ANKIB1: variants seen among roughly 807,000 people sequenced by gnomAD.
ANKIB1 encodes the protein ankyrin repeat and IBR domain containing 1.
Under a neutral mutation model 122.1 loss-of-function variants are expected in ANKIB1, and 43 were observed. That is an observed-to-expected ratio of 0.35 (90% CI 0.28 to 0.45). The LOEUF is 0.45. Ranked by LOEUF, ANKIB1 falls within the 20% of genes least tolerant of loss-of-function variation. The probability of loss-of-function intolerance (pLI) is 1.00; values close to 1 mark genes in which losing one functional copy is unlikely to be tolerated. For synonymous variants in ANKIB1, 390 were observed against 442.0 expected (o/e 0.88, Z 1.48); for missense variants, 992 against 1,329.5 (o/e 0.75, Z 3.95).
In ANKIB1 at chr7:92,314,374, G is replaced by A. The variant is rs554902632; in HGVS notation, c.487-4956G>A. Among the ~76,000 whole-genome samples the A allele has an allele frequency of 2.6e-5, 4 of 152,200 alleles. No individual in the cohort carries two copies. In the South Asian group the frequency reaches 8.3e-4, roughly 32 times the overall value. ...CAAATATGATGAGATTAGCCTGATG[G>A]TTGTAATGTACAATAGATTTGAATG... On this transcript the variant is annotated intron_variant, in intron 3 of 19. Transcript: ENST00000265742.
intron 11 of ANKIB1, among the ~76,000 whole-genome samples, chr7:92,374,000 C>T (rs965351626): frequency 6.6e-6 from 1 of 152,052 alleles, no homozygotes; most frequent in Non-Finnish European, 1.5e-5. Flanking sequence ...GCCATAATTA[C>T]TAAGGTATAT....
chr7:92,357,196 A>G (rs764420819), intron 9 of ANKIB1, among the ~76,000 whole-genome samples: 3 of 152,166 alleles, frequency 2.0e-5, no homozygotes, highest in Non-Finnish European at 4.4e-5. Flanking sequence ...TTAACCAATC[A>G]TATTTGAGCT....
At chr7:92,347,915 CAATA>C (rs1251075159) in intron 7 of ANKIB1, 1 of 401,556 alleles carries the variant, frequency 2.5e-6, no homozygotes, top group Non-Finnish European at 4.9e-6. Context: ...AGTAATCGTT[CAATA>C]AATATTACTT....
At chr7:92,334,477 T>C (rs1402620149) in intron 5 of ANKIB1, among the ~76,000 whole-genome samples, 1 of 152,050 alleles carries the variant, frequency 6.6e-6, no homozygotes, top group Non-Finnish European at 1.5e-5. Flanking sequence ...GAAAATTATC[T>C]TACAAAGAAT....
intron 1 of ANKIB1, among the ~76,000 whole-genome samples, chr7:92,282,918 T>C (rs1019833414): frequency 1.3e-5 from 2 of 152,226 alleles, no homozygotes; most frequent in Non-Finnish European, 2.9e-5. Context: ...ATTCCAAGTT[T>C]CGACAGTTTT....
At chr7:92,246,868 C>T (rs1290711541) in intron 1 of ANKIB1, among the ~76,000 whole-genome samples, 2 of 152,188 alleles carry the variant, frequency 1.3e-5, no homozygotes, top group Non-Finnish European at 2.9e-5. Context: ...ACGGGTTCTG[C>T]CGACCTCGGG....
At chr7:92,300,303 A>G (rs968701026) in intron 2 of ANKIB1, among the ~76,000 whole-genome samples, 1 of 152,144 alleles carries the variant, frequency 6.6e-6, no homozygotes, top group African/African-American at 2.4e-5. Flanking sequence ...TATTTTTATG[A>G]TACTTAACTT....
At chr7:92,258,425 C>G (rs1009115993) in intron 1 of ANKIB1, among the ~76,000 whole-genome samples, 1 of 152,090 alleles carries the variant, frequency 6.6e-6, no homozygotes, top group South Asian at 2.1e-4. Context: ...TGGGCCTCAC[C>G]CCCCCAAATT....
intron 10 of ANKIB1, among the ~76,000 whole-genome samples, chr7:92,368,201 C>T (rs921788713): frequency 2.0e-5 from 3 of 151,664 alleles, no homozygotes; most frequent in East Asian, 3.9e-4. Flanking sequence ...AGCAACTGTT[C>T]ACATGCATAC....
At chr7:92,249,828 A>G (rs1801286908) in intron 1 of ANKIB1, among the ~76,000 whole-genome samples, 1 of 152,150 alleles carries the variant, frequency 6.6e-6, no homozygotes, top group Non-Finnish European at 1.5e-5. Flanking sequence ...TCCTTAGAAC[A>G]GTCCCAAAAT....
At chr7:92,308,302 C>A (rs1389488177) in intron 3 of ANKIB1, among the ~76,000 whole-genome samples, 2 of 152,084 alleles carry the variant, frequency 1.3e-5, no homozygotes, top group African/African-American at 4.8e-5. Flanking sequence ...AGATATTGGT[C>A]ATCAATTAAG....
chr7:92,339,933 T>G (rs1803400713), intron 5 of ANKIB1, among the ~76,000 whole-genome samples: 1 of 151,934 alleles, frequency 6.6e-6, no homozygotes, highest in Non-Finnish European at 1.5e-5. Flanking sequence ...TAGGGTTTTT[T>G]TTTTTAATGA....
At chr7:92,256,837 AG>A (rs1363076347) in intron 1 of ANKIB1, among the ~76,000 whole-genome samples, 1 of 152,224 alleles carries the variant, frequency 6.6e-6, no homozygotes, top group African/African-American at 2.4e-5. Flanking sequence ...GGCTTTCTCC[AG>A]GTAGTCTCTG....
chr7:92,361,440 T>G (rs1803942764), intron 9 of ANKIB1, among the ~76,000 whole-genome samples: 1 of 152,222 alleles, frequency 6.6e-6, no homozygotes, highest in African/African-American at 2.4e-5. Context: ...TTGGTAATTT[T>G]GATAAAATAT....
chr7:92,364,310 TAAAAA>T (rs762884822), intron 10 of ANKIB1, among the ~76,000 whole-genome samples: 12 of 33,522 alleles, frequency 3.6e-4, no homozygotes, highest in Non-Finnish European at 5.0e-4. Context: ...AGACTCCATC[TAAAAA>T]AAAAAAAAAA....
intron 5 of ANKIB1, among the ~76,000 whole-genome samples, chr7:92,334,845 CA>C (rs1803253178): frequency 6.6e-6 from 1 of 151,800 alleles, no homozygotes; most frequent in African/African-American, 2.4e-5. Context: ...CTGTTTGCAC[CA>C]TTTTTTTCTT....
At chr7:92,272,318 G>A (rs1801813429) in intron 1 of ANKIB1, among the ~76,000 whole-genome samples, 1 of 152,116 alleles carries the variant, frequency 6.6e-6, no homozygotes, top group Non-Finnish European at 1.5e-5. Context: ...ACATTTAAAT[G>A]TATTGGGAAT....
At chr7:92,313,577 T>TC (rs1303844113) in intron 3 of ANKIB1, among the ~76,000 whole-genome samples, 1 of 152,162 alleles carries the variant, frequency 6.6e-6, no homozygotes, top group Non-Finnish European at 1.5e-5. Context: ...CTGTTACAGG[T>TC]ATTGAAGAGA....
chr7:92,330,913 A>G (rs1055883032), intron 5 of ANKIB1, among the ~76,000 whole-genome samples: 1 of 152,198 alleles, frequency 6.6e-6, no homozygotes, highest in African/African-American at 2.4e-5. Context: ...GTCATAATGT[A>G]AAAAACTTAT....
Sources: allele counts gnomAD v4.1 joint callset (sites outside exome capture counted in the v4.1 genomes callset), GRCh38; gene constraint gnomAD v4.1.1; transcripts MANE v1.5; gene names NCBI Gene and HGNC (gene_info 2026-07-23, HGNC 2026-07-21).